The following SLC14A2 variants were observed in gnomAD, a reference collection of about 807,000 sequenced individuals.
The protein encoded by SLC14A2 is urea transporter 2.
Under a neutral mutation model 104.6 loss-of-function variants are expected in SLC14A2, and 91 were observed. The observed-to-expected ratio is 0.87, with a 90% confidence interval of 0.73 to 1.04. The LOEUF (loss-of-function observed/expected upper bound fraction) is 1.04, where lower values mean the gene tolerates loss of function less well. Ranked by LOEUF, SLC14A2 falls within the 50% of genes least tolerant of loss-of-function variation. The probability of loss-of-function intolerance (pLI) is 0.00; values close to 1 mark genes in which losing one functional copy is unlikely to be tolerated. For synonymous variants in SLC14A2, 476 were observed against 466.4 expected, an observed-to-expected ratio of 1.02 and a Z score of -0.27; for missense variants, 1,189 against 1,156.0, an observed-to-expected ratio of 1.03 and a Z score of -0.41.
chr18:45,332,475 A>G (rs990961841), intron 1 of SLC14A2, among the ~76,000 whole-genome samples: 3 of 152,192 alleles, frequency 2.0e-5, no homozygotes, highest in Non-Finnish European at 2.9e-5. Flanking sequence ...GGATTTTGGT[A>G]TCCGTGGGAG....
intron 1 of SLC14A2, among the ~76,000 whole-genome samples, chr18:45,396,044 A>G (rs1036321204): frequency 6.6e-6 from 1 of 152,186 alleles, no homozygotes; most frequent in African/African-American, 2.4e-5. Context: ...ATATCCCACA[A>G]CTGGAGTATA....
intron 1 of SLC14A2, among the ~76,000 whole-genome samples, chr18:45,266,977 C>T (rs1373524119): frequency 6.6e-6 from 1 of 152,098 alleles, no homozygotes; most frequent in East Asian, 1.9e-4. Context: ...TGACATAGAT[C>T]TGAAGGGAAA....
chr18:45,537,921 AT>A (rs2043820663), intron 2 of SLC14A2, among the ~76,000 whole-genome samples: 1 of 152,220 alleles, frequency 6.6e-6, no homozygotes, highest in Non-Finnish European at 1.5e-5. Context: ...TGGGTTGGAA[AT>A]AAAAATGTGG....
chr18:45,595,804 C>T (rs1024345319), intron 2 of SLC14A2, among the ~76,000 whole-genome samples: 4 of 152,204 alleles, frequency 2.6e-5, no homozygotes, highest in African/African-American at 9.6e-5. Context: ...GGCTTCCTCA[C>T]TTCCACACAC....
intron 5 of SLC14A2, among the ~76,000 whole-genome samples, chr18:45,634,191 G>A (rs868747179): frequency 6.6e-6 from 1 of 152,104 alleles, no homozygotes; most frequent in Non-Finnish European, 1.5e-5. Flanking sequence ...CAAGTCATAG[G>A]GTAGGTATTT....
At chr18:45,386,687 G>T (rs1435989794) in intron 1 of SLC14A2, among the ~76,000 whole-genome samples, 1 of 152,196 alleles carries the variant, frequency 6.6e-6, no homozygotes, top group African/African-American at 2.4e-5. Context: ...GAACATCATG[G>T]TTGAGAGCAT....
At chr18:45,579,756 A>T (rs568961821) in intron 2 of SLC14A2, among the ~76,000 whole-genome samples, 5 of 152,362 alleles carry the variant, frequency 3.3e-5, no homozygotes, top group African/African-American at 1.2e-4. Flanking sequence ...CCCATAGATG[A>T]GTGCAAAGTA....
chr18:45,678,881 C>A (rs1340257475), intron 18 of SLC14A2, 94 bp from the exon 19 acceptor site: 2 of 1,133,358 alleles, frequency 1.8e-6, no homozygotes, highest in Non-Finnish European at 2.5e-6. Flanking sequence ...GCATTTGTGG[C>A]ATAAAATTGA....
intron 1 of SLC14A2, among the ~76,000 whole-genome samples, chr18:45,333,582 G>A (rs2144265528): frequency 6.6e-6 from 1 of 152,332 alleles, no homozygotes; most frequent in Non-Finnish European, 1.5e-5. Context: ...ATTGCAATCA[G>A]TTAACTCATG....
In SLC14A2 at chr18:45,675,710, T is replaced by TATATATATA. The variant is rs1555639293; in HGVS notation, c.2512+1893_2512+1894insATATATATA. Reference sequence around the variant, plus strand: ...CTATATATATATATATATATATATATTTTTTTTTTTTTTTTTTTTGGAGAG... The same window carrying TATATATATA: ...CTATATATATATATATATATATATATATATATATATTTTTTTTTTTTTTTTTTTGGAGAG... On this transcript the variant is annotated intron_variant, in intron 18 of 19. Transcript: ENST00000255226. Among the ~76,000 whole-genome samples, 16 of 46,216 alleles carry TATATATATA rather than the reference T, an allele frequency of 3.5e-4. No individual in the cohort carries two copies. In the South Asian group the frequency reaches 3.8e-3, roughly 11 times the overall value. 30.3% of individuals were successfully genotyped at this position (46,216 alleles called of 152,430 possible).
chr18:45,284,602 G>A (rs562009016), intron 1 of SLC14A2, among the ~76,000 whole-genome samples: 3 of 152,072 alleles, frequency 2.0e-5, no homozygotes, highest in Non-Finnish European at 4.4e-5. Flanking sequence ...TGTTTTCATT[G>A]CAGTCTCACT....
intron 1 of SLC14A2, among the ~76,000 whole-genome samples, chr18:45,274,355 T>C (rs2084680598): frequency 6.6e-6 from 1 of 152,212 alleles, no homozygotes; most frequent in African/African-American, 2.4e-5. Flanking sequence ...TCTACTAAGC[T>C]GAAGGGTTTT....
chr18:45,641,306 C>T lies in SLC14A2; in HGVS notation c.1089C>T (p.Ala363=), dbSNP rs1377659729. ...TCGCCATCGGAGGCATGTTCTATGCCCTCACCTGGCAGACTCACCTGCTGG... is the reference window on the plus strand; with the variant it reads ...TCGCCATCGGAGGCATGTTCTATGCTCTCACCTGGCAGACTCACCTGCTGG... ...SCIAIGGMFY[A]LTWQTHLLAL... is the part of the protein sequence containing the mutation. Residue 363 remains alanine (A), a synonymous_variant, in exon 8 of 20, where the codon GCC becomes GCT. Transcript: ENST00000255226. 30 of 1,614,062 alleles carry T rather than the reference C, an allele frequency of 1.9e-5. No homozygotes were observed. The highest frequency in any genetic ancestry group is 2.5e-5 in the Non-Finnish European group (29 of 1,180,034).
At chr18:45,290,370 A>G (rs1396233501) in intron 1 of SLC14A2, among the ~76,000 whole-genome samples, 1 of 152,168 alleles carries the variant, frequency 6.6e-6, no homozygotes, top group Non-Finnish European at 1.5e-5. Flanking sequence ...GACAAACTAG[A>G]TTTCTCCTGA....
In SLC14A2 at chr18:45,637,193, C is replaced by T. The variant is rs1229520418; in HGVS notation, c.843+11C>T. ...ATGGAAATGCCCCTGGTAAGTTACC[C>T]AGCGGTGATGAGTTGAGACCCCCAT... On this transcript the variant is annotated intron_variant, in intron 6 of 19. Transcript: ENST00000255226. The T allele has an allele frequency of 1.9e-6, 3 of 1,611,148 alleles. No homozygotes were observed. Among genetic ancestry groups the T allele is most frequent in the Non-Finnish European group, 2.5e-6 (3 of 1,177,854 alleles).
chr18:45,637,033 G>A lies in SLC14A2; in HGVS notation c.694G>A (p.Asp232Asn). Residue 232 changes from aspartate to asparagine, a missense_variant, in exon 6 of 20, where the codon GAC becomes AAC. Asp to Asn is a conservative substitution (Grantham distance 23). Coordinates refer to ENST00000255226, the MANE Select transcript of SLC14A2 (RefSeq NM_007163.4). ...CTTGAATTCCATCTTCAGCAAGTGG[G>A]ACCTCCCGGTCTTCACTCTGCCCTT... ...SALNSIFSKWDLPVFTLPFNI... is the reference protein window; with the variant it reads ...SALNSIFSKWNLPVFTLPFNI... 2 of 1,614,120 alleles carry A rather than the reference G, an allele frequency of 1.2e-6. No individual in the cohort carries two copies. Among genetic ancestry groups the A allele is most frequent in the Admixed American group, 1.7e-5 (1 of 60,022 alleles).
intron 1 of SLC14A2, among the ~76,000 whole-genome samples, chr18:45,347,448 C>T (rs1020128692): frequency 9.9e-5 from 15 of 152,166 alleles, no homozygotes; most frequent in Admixed American, 3.3e-4. Context: ...CAATATTTGA[C>T]TTTATTTTCT....
At chr18:45,661,164 C>T (rs2045930332) in intron 10 of SLC14A2, among the ~76,000 whole-genome samples, 1 of 152,206 alleles carries the variant, frequency 6.6e-6, no homozygotes, top group African/African-American at 2.4e-5. Context: ...CATGTCAGCT[C>T]TGCCAGGGCA....
At position 45,644,078 on chromosome 18, in the gene SLC14A2, A is replaced by G; in HGVS notation, c.1269A>G (p.Pro423=). ...TTNNPAIFRL[P]LSKVTYPEAN... is the part of the protein sequence containing the mutation. ...ACAACCCAGCCATCTTCAGACTCCC[A>G]CTCAGCAAAGTCACCTACCCCGAGG... Residue 423 remains proline, a synonymous_variant, in exon 10 of 20, where the codon CCA becomes CCG. Coordinates refer to ENST00000255226, the MANE Select transcript of SLC14A2 (RefSeq NM_007163.4). 1.2e-6 allele frequency: 2 copies of G among 1,614,066 alleles called. No individual in the cohort carries two copies. The highest frequency in any genetic ancestry group is 1.3e-5 in the African/African-American group (1 of 75,018).
Sources: gnomAD v4.1 joint callset for allele counts (sites outside exome capture counted in the v4.1 genomes callset) on GRCh38, gnomAD v4.1.1 for gene constraint, MANE v1.5 for transcripts, NCBI Gene and HGNC (gene_info 2026-07-23, HGNC 2026-07-21) for gene names.